Variants in NLGN4X observed in about 807,000 individuals in gnomAD.
NLGN4X encodes the protein neuroligin 4 X-linked.
NLGN4X carries 3 observed loss-of-function variants against 40.3 expected under a neutral mutation model. The observed-to-expected ratio is 0.07, with a 90% confidence interval of 0.03 to 0.19. The LOEUF (loss-of-function observed/expected upper bound fraction) is 0.19. Among genes scored for constraint, NLGN4X ranks in the 10% least tolerant of loss-of-function variants. NLGN4X has a pLI of 1.00. For synonymous variants in NLGN4X, 270 were observed against 306.8 expected, an observed-to-expected ratio of 0.88 and a Z score of 1.25; for missense variants, 382 against 708.3, an observed-to-expected ratio of 0.54 and a Z score of 5.23.
chrX:6,013,653 G>A (rs1296866686), intron 3 of NLGN4X, among the ~76,000 whole-genome samples: 1 of 110,135 alleles, frequency 9.1e-6, no homozygotes, highest in South Asian at 3.9e-4. Context: ...GAGCCTAGGG[G>A]TTCACGACCA....
chrX:6,151,437 A>T lies in NLGN4X; in HGVS notation c.30T>A (p.Leu10=). The change falls in exon 2 of 6, where the codon CTT becomes CTA. Residue 10 remains leucine, a synonymous_variant. Transcript: ENST00000381095. MSRPQGLLW[L]PLLFTPVCVM... Reference sequence around the variant, plus strand: ...CGCAGACCGGGGTGAACAACAAAGGAAGCCATAGCAGTCCCTGGGGCCGTG... The same window carrying T: ...CGCAGACCGGGGTGAACAACAAAGGTAGCCATAGCAGTCCCTGGGGCCGTG... 8.3e-7 allele frequency: 1 copy of T among 1,211,179 alleles called. No individual in the cohort carries two copies. The highest frequency in any genetic ancestry group is 1.1e-6 in the Non-Finnish European group (1 of 895,089).
chrX:6,024,578 TA>T (rs111543378), intron 3 of NLGN4X, among the ~76,000 whole-genome samples: 3 of 108,004 alleles, frequency 2.8e-5, no homozygotes, highest in Non-Finnish European at 3.8e-5. Context: ...AAGGATGCAG[TA>T]AAAAAAAACA....
chrX:6,114,710 G>T (rs750138595), intron 2 of NLGN4X, among the ~76,000 whole-genome samples: 14 of 111,285 alleles, frequency 1.3e-4, no homozygotes, highest in African/African-American at 4.6e-4. Flanking sequence ...TCATTAAAAA[G>T]AAAACACTGA....
chrX:6,112,358 G>A (rs1446993443), intron 2 of NLGN4X, among the ~76,000 whole-genome samples: 6 of 110,942 alleles, frequency 5.4e-5, no homozygotes, highest in Non-Finnish European at 9.4e-5. Flanking sequence ...AAAAAGTTAC[G>A]TAAACACAAA....
chrX:6,097,138 T>C (rs2038795588), intron 2 of NLGN4X, among the ~76,000 whole-genome samples: 2 of 111,287 alleles, frequency 1.8e-5, no homozygotes. Flanking sequence ...GAATTCTTCC[T>C]TGTATCATTA....
At chrX:6,204,197 G>T (rs755760272) in intron 1 of NLGN4X, among the ~76,000 whole-genome samples, 3 of 112,408 alleles carry the variant, frequency 2.7e-5, no homozygotes, top group Non-Finnish European at 5.6e-5. Flanking sequence ...ATAGCTGCAT[G>T]CAGCCTGGAA....
chrX:6,182,929 C>A (rs1157699330), intron 1 of NLGN4X, among the ~76,000 whole-genome samples: 1 of 111,966 alleles, frequency 8.9e-6, no homozygotes, highest in Non-Finnish European at 1.9e-5. Flanking sequence ...TGTGTTACAG[C>A]TGAGAACATG....
At chrX:6,191,310 A>G (rs1262229859) in intron 1 of NLGN4X, among the ~76,000 whole-genome samples, 2 of 111,825 alleles carry the variant, frequency 1.8e-5, no homozygotes, top group Non-Finnish European at 3.8e-5. Flanking sequence ...ACAGGCAGAC[A>G]GAATAGCCTA....
At chrX:6,124,595 C>A (rs1431102864) in intron 2 of NLGN4X, among the ~76,000 whole-genome samples, 1 of 111,441 alleles carries the variant, frequency 9.0e-6, no homozygotes, top group East Asian at 2.8e-4. Context: ...GGCAGGAGAA[C>A]CACTTGAAGC....
intron 1 of NLGN4X, among the ~76,000 whole-genome samples, chrX:6,206,312 G>A (rs957862813): frequency 8.9e-6 from 1 of 111,985 alleles, no homozygotes; most frequent in African/African-American, 3.2e-5. Flanking sequence ...CATGGGCTAT[G>A]AGTGATATGT....
intron 3 of NLGN4X, among the ~76,000 whole-genome samples, chrX:5,933,885 C>T (rs2033643139): frequency 1.8e-5 from 2 of 110,974 alleles, no homozygotes; most frequent in South Asian, 7.6e-4. Context: ...AATTTAAACC[C>T]AAAAGATATA....
chrX:5,998,373 G>A (rs1343898402), intron 3 of NLGN4X, among the ~76,000 whole-genome samples: 1 of 99,083 alleles, frequency 1.0e-5, no homozygotes, highest in African/African-American at 3.8e-5. Context: ...TTGCACCATT[G>A]CACTCCAACC....
intron 3 of NLGN4X, among the ~76,000 whole-genome samples, chrX:6,023,579 A>T (rs2036607395): frequency 8.9e-6 from 1 of 111,980 alleles, no homozygotes; most frequent in Non-Finnish European, 1.9e-5. Flanking sequence ...AGAAGGTGTG[A>T]TGCCATGAGT....
chrX:6,111,282 A>G (rs780874445), intron 2 of NLGN4X, among the ~76,000 whole-genome samples: 1 of 111,638 alleles, frequency 9.0e-6, no homozygotes, highest in East Asian at 2.8e-4. Flanking sequence ...ACCCTCATGA[A>G]TGGGATGAGT....
chrX:6,062,024 T>G (rs11797336), intron 2 of NLGN4X, among the ~76,000 whole-genome samples: 23,201 of 111,110 alleles, frequency 0.21, 1,865 homozygotes, highest in Admixed American at 0.26. Flanking sequence ...ACATTTTTTC[T>G]CTTCAGCACA....
chrX:5,928,390 C>T (rs2033409384), intron 3 of NLGN4X, among the ~76,000 whole-genome samples: 1 of 111,690 alleles, frequency 9.0e-6, no homozygotes, highest in African/African-American at 3.3e-5. Flanking sequence ...TACAAGTCCT[C>T]TTAGGTGACA....
In NLGN4X at chrX:6,135,774, G is replaced by A. The variant is rs192586521; in HGVS notation, c.472+15221C>T. On this transcript the variant is annotated intron_variant, in intron 2 of 5. Coordinates refer to ENST00000381095, the MANE Select transcript of NLGN4X (RefSeq NM_181332.3). The stretch of plus-strand genomic sequence containing the variant: ...CTGTTGACTGCCTACCACCACACAC[G>A]GACAAGCCTCTCTAAGAAAGCCAAA... Among the ~76,000 whole-genome samples the A allele has an allele frequency of 1.4e-3, 161 of 111,474 alleles. 1 individual carries two copies. The highest frequency in any genetic ancestry group is 4.9e-3 in the African/African-American group (149 of 30,701).
chrX:6,004,081 C>T (rs910007120), intron 3 of NLGN4X, among the ~76,000 whole-genome samples: 1 of 112,350 alleles, frequency 8.9e-6, no homozygotes, highest in Non-Finnish European at 1.9e-5. Flanking sequence ...AGGGAAATAT[C>T]CTGTTTCATT....
At chrX:6,159,209 A>G (rs766148788) in intron 1 of NLGN4X, among the ~76,000 whole-genome samples, 1 of 111,857 alleles carries the variant, frequency 8.9e-6, no homozygotes, top group African/African-American at 3.3e-5. Context: ...CAGCAAGGAC[A>G]GTATGAAAAC....
Sources: allele counts gnomAD v4.1 joint callset (sites outside exome capture counted in the v4.1 genomes callset), GRCh38; gene constraint gnomAD v4.1.1; transcripts MANE v1.5; gene names NCBI Gene and HGNC (gene_info 2026-07-23, HGNC 2026-07-21).